LRP1B: variants seen among roughly 807,000 people sequenced by gnomAD.
LRP1B encodes low-density lipoprotein receptor-related protein 1B.
A neutral mutation model predicts 556.6 loss-of-function variants in LRP1B; 217 were observed. The observed-to-expected ratio is 0.39, with a 90% CI of 0.35 to 0.44. The LOEUF is 0.44. Ranked by LOEUF, LRP1B falls within the 20% of genes least tolerant of loss-of-function variation. The pLI, the probability that LRP1B is intolerant of heterozygous loss-of-function variation, is 1.00. For synonymous variants in LRP1B, 2,047 were observed against 1,865.8 expected, an observed-to-expected ratio of 1.10 and a Z score of -2.50; for missense variants, 5,053 against 5,620.8, an observed-to-expected ratio of 0.90 and a Z score of 3.23.
At chr2:142,124,532 G>GT (rs960763440) in intron 1 of LRP1B, among the ~76,000 whole-genome samples, 2 of 151,264 alleles carry the variant, frequency 1.3e-5, no homozygotes, top group Admixed American at 6.6e-5. Flanking sequence ...ATATATTTAA[G>GT]TTTTTTTTAA....
chr2:140,630,564 T>G (rs2099814), intron 41 of LRP1B, among the ~76,000 whole-genome samples: 6,695 of 152,270 alleles, frequency 0.044, 180 homozygotes, highest in Middle Eastern at 0.065. Context: ...CAGTAGACTT[T>G]AGTAAGAGTG....
intron 32 of LRP1B, among the ~76,000 whole-genome samples, chr2:140,811,138 T>A (rs2105030417): frequency 6.6e-6 from 1 of 152,278 alleles, no homozygotes; most frequent in African/African-American, 2.4e-5. Context: ...ACACAGCAAT[T>A]TACTTGTTAA....
chr2:141,718,926 A>T (rs1045357421), intron 2 of LRP1B, among the ~76,000 whole-genome samples: 13 of 152,150 alleles, frequency 8.5e-5, no homozygotes, highest in African/African-American at 2.9e-4. Context: ...CTGAAGAGCA[A>T]ATATTTCTAT....
chr2:141,049,127 T>C lies in LRP1B; in HGVS notation c.1648A>G (p.Ile550Val). ...GGGTTTACCAGATTTTCTATGGGGA[T>C]CATGTATTCATCAGCTATCTTGGTA... is the stretch of plus-strand genomic sequence containing the variant. ...LNTKIADEYMIPIENLVNPRA... is the reference protein window; with the variant it reads ...LNTKIADEYMVPIENLVNPRA... The change falls in exon 11 of 91, where the codon ATC becomes GTC. Residue 550 changes from isoleucine (I) to valine (V), a missense_variant. Ile to Val is a conservative substitution (Grantham distance 29, BLOSUM62 3). This residue lies in a region of LRP1B where 3,619 missense variants were observed against 3,931.9 expected (regional missense o/e 0.92). Coordinates refer to ENST00000389484, the MANE Select transcript of LRP1B (RefSeq NM_018557.3). 1.9e-6 allele frequency: 3 copies of C among 1,613,546 alleles called. No homozygotes were observed. Among genetic ancestry groups the C allele is most frequent in the East Asian group, 2.2e-5 (1 of 44,816 alleles).
At chr2:141,293,682 A>G (rs1309194133) in intron 3 of LRP1B, among the ~76,000 whole-genome samples, 2 of 145,698 alleles carry the variant, frequency 1.4e-5, no homozygotes, top group East Asian at 2.0e-4. Flanking sequence ...ATTGGTATAT[A>G]TGTTATTTAA....
intron 2 of LRP1B, among the ~76,000 whole-genome samples, chr2:141,600,736 G>A (rs1687701479): frequency 6.6e-6 from 1 of 152,086 alleles, no homozygotes; most frequent in Admixed American, 6.6e-5. Context: ...GATTCAGGGT[G>A]CAACTAGATG....
chr2:140,419,744 A>G (rs1238593976), intron 66 of LRP1B, among the ~76,000 whole-genome samples: 1 of 152,238 alleles, frequency 6.6e-6, no homozygotes, highest in African/African-American at 2.4e-5. Context: ...ATGGTGGCTC[A>G]TTCCCATAAT....
At chr2:140,948,433 C>T (rs914795848) in intron 20 of LRP1B, among the ~76,000 whole-genome samples, 4 of 151,962 alleles carry the variant, frequency 2.6e-5, no homozygotes, top group Non-Finnish European at 4.4e-5. Flanking sequence ...AAAGTTCTAG[C>T]TCATATATAC....
chr2:141,172,024 A>G (rs1680520935), intron 7 of LRP1B, among the ~76,000 whole-genome samples: 1 of 152,136 alleles, frequency 6.6e-6, no homozygotes, highest in South Asian at 2.1e-4. Context: ...GTAATGCAAA[A>G]CTATTTCATT....
intron 7 of LRP1B, among the ~76,000 whole-genome samples, chr2:141,123,058 T>G (rs1213461627): frequency 6.6e-6 from 1 of 151,810 alleles, no homozygotes; most frequent in Non-Finnish European, 1.5e-5. Context: ...GTGAGAACAC[T>G]TGGACACAGG....
chr2:140,824,234 G>A (rs372633785), intron 31 of LRP1B, among the ~76,000 whole-genome samples: 4 of 151,868 alleles, frequency 2.6e-5, no homozygotes, highest in East Asian at 1.9e-4. Context: ...GTTGAGGCAC[G>A]CACAGTGAAA....
intron 13 of LRP1B, 136 bp downstream of exon 13, chr2:141,015,560 C>T: frequency 1.4e-6 from 1 of 692,670 alleles, no homozygotes; most frequent in African/African-American, 1.8e-5. Context: ...CAGCCTGCTT[C>T]AGCCACCCCA....
At chr2:141,604,979 C>T (rs1269857143) in intron 2 of LRP1B, among the ~76,000 whole-genome samples, 1 of 152,028 alleles carries the variant, frequency 6.6e-6, no homozygotes, top group Non-Finnish European at 1.5e-5. Flanking sequence ...AGCTGGTGCA[C>T]AAGCCAGGTA....
At chr2:141,242,043 C>T (rs1174796541) in intron 5 of LRP1B, among the ~76,000 whole-genome samples, 1 of 152,096 alleles carries the variant, frequency 6.6e-6, no homozygotes, top group Admixed American at 6.6e-5. Flanking sequence ...CCACTAGTCT[C>T]ATAAGTTGTT....
chr2:140,823,612 C>T (rs1691401364), intron 31 of LRP1B, among the ~76,000 whole-genome samples: 1 of 151,914 alleles, frequency 6.6e-6, no homozygotes, highest in African/African-American at 2.4e-5. Flanking sequence ...AGTGGTGTTA[C>T]AATGACATGG....
chr2:141,169,609 G>C (rs1384330030), intron 7 of LRP1B, among the ~76,000 whole-genome samples: 2 of 151,754 alleles, frequency 1.3e-5, no homozygotes, highest in African/African-American at 4.8e-5. Context: ...TTCCCGTGTA[G>C]TAGGGAAGAA....
chr2:140,726,649 G>A (rs545962504), intron 35 of LRP1B, among the ~76,000 whole-genome samples: 15 of 152,218 alleles, frequency 9.9e-5, no homozygotes, highest in East Asian at 1.9e-4. Context: ...CCATAGATAC[G>A]TAATCCTTGA....
At chr2:141,670,261 A>G (rs1690613551) in intron 2 of LRP1B, among the ~76,000 whole-genome samples, 1 of 152,172 alleles carries the variant, frequency 6.6e-6, no homozygotes, top group South Asian at 2.1e-4. Flanking sequence ...AGCCCACCAC[A>G]TAGCACAATC....
intron 7 of LRP1B, among the ~76,000 whole-genome samples, chr2:141,153,100 A>G (rs1164583272): frequency 6.7e-6 from 1 of 148,402 alleles, no homozygotes; most frequent in Non-Finnish European, 1.5e-5. Flanking sequence ...AATGGTGGCA[A>G]AAGATCCACA....
Sources: gnomAD v4.1 joint callset for allele counts (sites outside exome capture counted in the v4.1 genomes callset) on GRCh38, gnomAD v4.1.1 for gene constraint, gnomAD v4.1.1 regional missense constraint, MANE v1.5 for transcripts, NCBI Gene and HGNC (gene_info 2026-07-23, HGNC 2026-07-21) for gene names.